VAV3: variants seen among roughly 807,000 people sequenced by gnomAD.
VAV3 encodes the protein vav guanine nucleotide exchange factor 3.
Under a neutral mutation model 131.2 loss-of-function variants are expected in VAV3, and 94 were observed. The observed-to-expected ratio is 0.72, with a 90% CI of 0.61 to 0.85. The LOEUF (loss-of-function observed/expected upper bound fraction) is 0.85, where lower values mean the gene tolerates loss of function less well. Ranked by LOEUF, VAV3 falls within the 40% of genes least tolerant of loss-of-function variation. The pLI is 0.00. For synonymous variants in VAV3, 349 were observed against 342.0 expected (o/e 1.02, Z -0.22); for missense variants, 939 against 1,002.7 (o/e 0.94, Z 0.86).
intron 20 of VAV3, among the ~76,000 whole-genome samples, chr1:107,642,058 G>GT (rs1347769929): frequency 2.6e-5 from 4 of 152,108 alleles, no homozygotes; most frequent in African/African-American, 9.7e-5. Flanking sequence ...CTAACAAACT[G>GT]TAATTCGGAT....
At chr1:107,600,821 C>T (rs528256188) in intron 24 of VAV3, among the ~76,000 whole-genome samples, 1 of 152,184 alleles carries the variant, frequency 6.6e-6, no homozygotes, top group Non-Finnish European at 1.5e-5. Flanking sequence ...TTCATTGGCC[C>T]TTTTCAGTGA....
intron 22 of VAV3, among the ~76,000 whole-genome samples, chr1:107,605,257 A>G (rs1344769394): frequency 1.3e-5 from 2 of 152,190 alleles, no homozygotes; most frequent in Non-Finnish European, 2.9e-5. Context: ...GAGTATTGAA[A>G]GGTAGAATCC....
intron 25 of VAV3, among the ~76,000 whole-genome samples, chr1:107,580,149 G>A (rs1259817126): frequency 6.6e-6 from 1 of 152,120 alleles, no homozygotes; most frequent in African/African-American, 2.4e-5. Flanking sequence ...TTCTAATATT[G>A]CTTCTGCATC....
intron 2 of VAV3, among the ~76,000 whole-genome samples, chr1:107,845,163 C>G (rs1276953853): frequency 1.3e-5 from 2 of 152,212 alleles, no homozygotes; most frequent in Non-Finnish European, 2.9e-5. Context: ...CCCAGGCAAA[C>G]AGAATCTGGA....
At position 107,683,537 on chromosome 1, in the gene VAV3, T is replaced by C. The variant is rs780063562; in HGVS notation, c.1732-4A>G. 5 of 1,613,742 alleles carry C rather than the reference T, an allele frequency of 3.1e-6. No individual in the cohort carries two copies. The African/African-American group carries it at 6.7e-5, about 22-fold the overall frequency. On this transcript the variant is annotated splice_region_variant and splice_polypyrimidine_tract_variant and intron_variant, in intron 18 of 26. Coordinates refer to ENST00000370056, the MANE Select transcript of VAV3 (RefSeq NM_006113.5). ...TTCGCAGTCCATTGGTCCGTTTCTG[T>C]GCAGTAAAGTAAAACAAAGCAAAAC...
intron 15 of VAV3, among the ~76,000 whole-genome samples, chr1:107,724,473 G>A (rs934277828): frequency 1.3e-5 from 2 of 152,004 alleles, no homozygotes; most frequent in Non-Finnish European, 2.9e-5. Flanking sequence ...GCATTGTACT[G>A]GGACAAAAAA....
chr1:107,592,706 C>A (rs974794224), intron 25 of VAV3, among the ~76,000 whole-genome samples: 1 of 152,128 alleles, frequency 6.6e-6, no homozygotes, highest in African/African-American at 2.4e-5. Flanking sequence ...TCTCTAATTT[C>A]ATTCCTCATT....
intron 2 of VAV3, among the ~76,000 whole-genome samples, chr1:107,786,886 T>C (rs1345786867): frequency 2.0e-5 from 3 of 152,238 alleles, no homozygotes; most frequent in Non-Finnish European, 4.4e-5. Context: ...AGAGATATCA[T>C]GTTTTATTCA....
chr1:107,772,844 C>T lies in VAV3; in HGVS notation c.447-1G>A. The T allele has an allele frequency of 6.2e-7, 1 of 1,611,894 alleles. No homozygotes were observed. The highest frequency in any genetic ancestry group is 8.5e-7 in the Non-Finnish European group (1 of 1,178,712). On this transcript the variant is annotated splice_acceptor_variant, in intron 4 of 26. Coordinates refer to ENST00000370056, the MANE Select transcript of VAV3 (RefSeq NM_006113.5). LOFTEE classifies it high-confidence loss of function. Reference sequence around the variant, plus strand: ...TTCTTCATCTTCCACAAGGGTTTCACTACAACAAAGGATATCATATAAGGT... The same window carrying T: ...TTCTTCATCTTCCACAAGGGTTTCATTACAACAAAGGATATCATATAAGGT...
intron 19 of VAV3, among the ~76,000 whole-genome samples, chr1:107,644,600 A>AGCAGC (rs1006890675): frequency 1.9e-4 from 29 of 152,244 alleles, no homozygotes; most frequent in African/African-American, 5.8e-4. Flanking sequence ...ATAAAAAGGG[A>AGCAGC]GCAGCGTCAT....
chr1:107,875,845 AGT>A (rs1218195635), intron 1 of VAV3, among the ~76,000 whole-genome samples: 1 of 152,154 alleles, frequency 6.6e-6, no homozygotes, highest in African/African-American at 2.4e-5. Context: ...GGAAGACCAG[AGT>A]GTGGTCACTT....
At chr1:107,893,603 CT>C (rs1165337649) in intron 1 of VAV3, among the ~76,000 whole-genome samples, 2 of 152,084 alleles carry the variant, frequency 1.3e-5, no homozygotes, top group African/African-American at 4.8e-5. Flanking sequence ...GGAAACTCTC[CT>C]TTATAAAACC....
rs945390961 is a variant in VAV3, at chr1:107,669,418, A to T, written c.1777+14070T>A. 8 of 1,289,578 alleles carry T rather than the reference A, an allele frequency of 6.2e-6. No homozygotes were observed. In the East Asian group the frequency reaches 4.4e-4, roughly 72 times the overall value. The allele number at this position is 1,289,578 out of a possible 1,614,324, so 79.9% of individuals were successfully genotyped here. On this transcript the variant is annotated intron_variant, in intron 19 of 26. Coordinates refer to ENST00000370056, the MANE Select transcript of VAV3 (RefSeq NM_006113.5). ...CTTGTTCTTCTTTTGGCTTTTTACA[A>T]TGCTTCTAGTAGCAGGGGCCATGGA...
intron 24 of VAV3, among the ~76,000 whole-genome samples, chr1:107,601,130 T>G (rs1651823721): frequency 6.6e-6 from 1 of 152,198 alleles, no homozygotes; most frequent in Non-Finnish European, 1.5e-5. Flanking sequence ...TTTCATTTTA[T>G]GAAGAACCTC....
At chr1:107,964,544 A>G (rs1054025705) in intron 1 of VAV3, 122 bp downstream of exon 1, 6 of 1,123,046 alleles carry the variant, frequency 5.3e-6, no homozygotes, top group Non-Finnish European at 7.5e-6. Flanking sequence ...GTCCCAAAGC[A>G]GAAGGCTGGG....
At chr1:107,620,728 T>C (rs1653522071) in intron 20 of VAV3, among the ~76,000 whole-genome samples, 1 of 151,800 alleles carries the variant, frequency 6.6e-6, no homozygotes, top group Admixed American at 6.6e-5. Context: ...CGTTGGGGAG[T>C]GCAATGTCAC....
chr1:107,676,987 A>G (rs1203197965), intron 19 of VAV3, among the ~76,000 whole-genome samples: 1 of 152,216 alleles, frequency 6.6e-6, no homozygotes, highest in Non-Finnish European at 1.5e-5. Context: ...TAATACCTAT[A>G]TAGAAGAAAA....
intron 20 of VAV3, among the ~76,000 whole-genome samples, chr1:107,634,166 C>T (rs1258479454): frequency 6.6e-6 from 1 of 152,116 alleles, no homozygotes; most frequent in East Asian, 1.9e-4. Context: ...ATTGCCAAGT[C>T]AATCCTAAGC....
At chr1:107,848,234 A>T (rs1438171148) in intron 2 of VAV3, among the ~76,000 whole-genome samples, 1 of 149,620 alleles carries the variant, frequency 6.7e-6, no homozygotes, top group Non-Finnish European at 1.5e-5. Context: ...AATGGCGTGA[A>T]CCCTGGAGGC....
Sources: allele counts gnomAD v4.1 joint callset (sites outside exome capture counted in the v4.1 genomes callset), GRCh38; gene constraint gnomAD v4.1.1; transcripts MANE v1.5; gene names NCBI Gene and HGNC (gene_info 2026-07-23, HGNC 2026-07-21).